SPTLC2: variants seen among roughly 807,000 people sequenced by gnomAD.
SPTLC2 encodes serine palmitoyltransferase long chain base subunit 2, also known as serine palmitoyltransferase 2.
A neutral mutation model predicts 62.0 loss-of-function variants in SPTLC2; 21 were observed. The observed-to-expected ratio is 0.34, with a 90% CI of 0.24 to 0.49. SPTLC2 has a LOEUF of 0.49. SPTLC2 is among the 20% of genes least tolerant of loss of function. The pLI, the probability that SPTLC2 is intolerant of heterozygous loss-of-function variation, is 0.99. For synonymous variants in SPTLC2, 261 were observed against 261.8 expected (o/e 1.00, Z 0.03); for missense variants, 511 against 713.0 (o/e 0.72, Z 3.23).
At chr14:77,615,565 C>T (rs1387780550) in intron 1 of SPTLC2, among the ~76,000 whole-genome samples, 1 of 152,250 alleles carries the variant, frequency 6.6e-6, no homozygotes, top group Non-Finnish European at 1.5e-5. Flanking sequence ...ACCGATCTTG[C>T]ATCTTTTTAA....
At chr14:77,516,846 T>C (rs1305777441) in intron 11 of SPTLC2, among the ~76,000 whole-genome samples, 2 of 152,230 alleles carry the variant, frequency 1.3e-5, no homozygotes, top group Admixed American at 6.5e-5. Flanking sequence ...AATTTTGCTG[T>C]GTAGAAACAG....
chr14:77,551,436 C>G (rs1426884079), intron 9 of SPTLC2, among the ~76,000 whole-genome samples: 1 of 146,888 alleles, frequency 6.8e-6, no homozygotes, highest in Non-Finnish European at 1.5e-5. Flanking sequence ...ATTATTGTCT[C>G]ATACATGCAA....
chr14:77,549,262 T>C (rs2079544273), intron 9 of SPTLC2, among the ~76,000 whole-genome samples: 1 of 150,624 alleles, frequency 6.6e-6, no homozygotes, highest in African/African-American at 2.4e-5. Flanking sequence ...TTCTTTGACA[T>C]GCCTCCACTG....
intron 1 of SPTLC2, among the ~76,000 whole-genome samples, chr14:77,606,108 G>A (rs971337886): frequency 3.3e-5 from 5 of 152,232 alleles, no homozygotes; most frequent in African/African-American, 1.2e-4. Flanking sequence ...GAGGCAGGCT[G>A]ATCATGAGGT....
At chr14:77,573,594 A>G (rs2140036660) in intron 4 of SPTLC2, among the ~76,000 whole-genome samples, 1 of 152,272 alleles carries the variant, frequency 6.6e-6, no homozygotes, top group South Asian at 2.1e-4. Flanking sequence ...GGACACAGTG[A>G]TAGACATGCA....
intron 3 of SPTLC2, among the ~76,000 whole-genome samples, chr14:77,578,423 A>C (rs2079729092): frequency 6.6e-6 from 1 of 152,014 alleles, no homozygotes; most frequent in South Asian, 2.1e-4. Flanking sequence ...ATTTTTAAAA[A>C]TAAAGAAGCC....
intron 9 of SPTLC2, among the ~76,000 whole-genome samples, chr14:77,536,746 CTCTATT>C (rs2079473142): frequency 6.6e-6 from 1 of 152,072 alleles, no homozygotes; most frequent in South Asian, 2.1e-4. Flanking sequence ...TCTCTTAGAG[CTCTATT>C]TCTTTTTCTA....
At chr14:77,551,390 CAAAAAAA>C (rs11347331) in intron 9 of SPTLC2, among the ~76,000 whole-genome samples, 2 of 61,168 alleles carry the variant, frequency 3.3e-5, no homozygotes, top group Non-Finnish European at 5.6e-5. Flanking sequence ...GACTCCGTCT[CAAAAAAA>C]AAAAAAAAAA....
Position 77,520,862 on chromosome 14 carries a change from C to T in SPTLC2, c.1439+584G>A, listed in dbSNP as rs79411536. On this transcript the variant is annotated intron_variant, in intron 10 of 11. Coordinates refer to ENST00000216484, the MANE Select transcript of SPTLC2 (RefSeq NM_004863.4). ...CGCCCTGGGGCACGGTGCTCCAATTCCAGGGACCTCTTTGCTACTCTTCCG... is the reference window on the plus strand; with the variant it reads ...CGCCCTGGGGCACGGTGCTCCAATTTCAGGGACCTCTTTGCTACTCTTCCG... 9.4e-3 allele frequency among the ~76,000 whole-genome samples: 1,433 copies of T among 152,322 alleles called. 12 individuals carry two copies. Among genetic ancestry groups the T allele is most frequent in the Non-Finnish European group, 0.013 (884 of 68,020 alleles).
chr14:77,513,989 C>A (rs1431734628), intron 11 of SPTLC2, among the ~76,000 whole-genome samples: 2 of 151,428 alleles, frequency 1.3e-5, no homozygotes, highest in Non-Finnish European at 2.9e-5. Flanking sequence ...CTGCTTGAAC[C>A]CAGGAGTTTG....
chr14:77,518,695 G>C (rs2079371044), intron 10 of SPTLC2, among the ~76,000 whole-genome samples: 2 of 152,056 alleles, frequency 1.3e-5, no homozygotes, highest in African/African-American at 4.8e-5. Flanking sequence ...TGTTAAGCTT[G>C]GCAGTTTAAC....
chr14:77,551,562 G>A (rs983915283), intron 9 of SPTLC2, among the ~76,000 whole-genome samples: 1 of 152,106 alleles, frequency 6.6e-6, no homozygotes, highest in Non-Finnish European at 1.5e-5. Flanking sequence ...GTCAGAAAGT[G>A]AACACTGAAC....
chr14:77,579,025 T>C lies in SPTLC2; in HGVS notation c.412A>G (p.Ile138Val). 1 of 1,614,146 alleles carries C rather than the reference T, an allele frequency of 6.2e-7. No homozygotes were observed. The highest frequency in any genetic ancestry group is 8.5e-7 in the Non-Finnish European group (1 of 1,180,028). The change falls in exon 3 of 12, where the codon ATC becomes GTC. Residue 138 changes from isoleucine (I) to valine (V), a missense_variant. By Grantham distance (29) the Ile-to-Val change is conservative (BLOSUM62 3). Coordinates refer to ENST00000216484, the MANE Select transcript of SPTLC2 (RefSeq NM_004863.4). ...MRIRDNWNRP[I>V]CSVPGARVDI... The stretch of plus-strand genomic sequence containing the variant: ...ACCCTGGCTCCAGGCACACTACAGA[T>C]TGGCCGATTCCAGTTGTCTCTTATC...
At chr14:77,602,699 A>C (rs1245790794) in intron 1 of SPTLC2, among the ~76,000 whole-genome samples, 1 of 152,074 alleles carries the variant, frequency 6.6e-6, no homozygotes, top group Non-Finnish European at 1.5e-5. Context: ...ACAGCACAAT[A>C]AGAGATTAAC....
At chr14:77,574,589 AC>A (rs2079703315) in intron 4 of SPTLC2, among the ~76,000 whole-genome samples, 1 of 152,196 alleles carries the variant, frequency 6.6e-6, no homozygotes, top group Admixed American at 6.5e-5. Context: ...AGTAGAAACA[AC>A]CCAAATGACC....
intron 5 of SPTLC2, among the ~76,000 whole-genome samples, chr14:77,563,864 TAAG>T (rs779471003): frequency 9.2e-5 from 14 of 152,222 alleles, no homozygotes; most frequent in Non-Finnish European, 1.3e-4. Context: ...AAGGAATACT[TAAG>T]AAACTTGTAA....
intron 2 of SPTLC2, among the ~76,000 whole-genome samples, chr14:77,586,442 C>T (rs1202024272): frequency 3.9e-5 from 6 of 152,080 alleles, no homozygotes; most frequent in African/African-American, 1.4e-4. Context: ...TTCTTAGGTA[C>T]GTACCAATTG....
chr14:77,581,113 T>C (rs1247635660), intron 2 of SPTLC2, among the ~76,000 whole-genome samples: 1 of 152,224 alleles, frequency 6.6e-6, no homozygotes, highest in African/African-American at 2.4e-5. Context: ...AACTACAGTT[T>C]TTACTGTATC....
chr14:77,525,160 G>A (rs1011818885), intron 9 of SPTLC2, among the ~76,000 whole-genome samples: 1 of 152,110 alleles, frequency 6.6e-6, no homozygotes, highest in Non-Finnish European at 1.5e-5. Flanking sequence ...CAGGCACAGT[G>A]GTGTGATTCT....
Sources: gnomAD v4.1 joint callset for allele counts (sites outside exome capture counted in the v4.1 genomes callset) on GRCh38, gnomAD v4.1.1 for gene constraint, MANE v1.5 for transcripts, NCBI Gene and HGNC (gene_info 2026-07-23, HGNC 2026-07-21) for gene names.